The following ZNF775 variants were observed in gnomAD, a reference collection of about 807,000 sequenced individuals.
The protein encoded by ZNF775 is zinc finger protein 775.
In ZNF775, 1 loss-of-function variant was observed where a neutral mutation model predicts 2.4. That is an observed-to-expected ratio of 0.41 (90% CI 0.15 to 1.94). ZNF775 has a LOEUF of 1.94. ZNF775 is among the 30% of genes most tolerant of loss of function. The pLI, the probability that ZNF775 is intolerant of heterozygous loss-of-function variation, is 0.30. For missense variants in ZNF775, 823 were observed against 826.6 expected, an observed-to-expected ratio of 1.00 and a Z score of 0.05; for synonymous variants, 381 against 373.3, an observed-to-expected ratio of 1.02 and a Z score of -0.24.
In ZNF775 at chr7:150,397,989, T is replaced by A. The variant is rs111426426; in HGVS notation, c.1508T>A (p.Leu503Gln). 2.5e-6 allele frequency: 4 copies of A among 1,594,864 alleles called. No individual in the cohort carries two copies. The South Asian group carries it at 3.3e-5, about 13-fold the overall frequency. ...RRNHTGERPY[L>Q]CPACGRGFSQ... Reference sequence around the variant, plus strand: ...AACCACACAGGCGAGCGGCCCTACCTGTGTCCCGCCTGCGGCCGCGGCTTC... The same window carrying A: ...AACCACACAGGCGAGCGGCCCTACCAGTGTCCCGCCTGCGGCCGCGGCTTC... Residue 503 changes from leucine (L) to glutamine (Q), a missense_variant, in exon 3 of 3, where the codon CTG becomes CAG. By Grantham distance (113) the Leu-to-Gln change is moderately radical. Transcript: ENST00000329630.
In ZNF775 at chr7:150,384,176, G is replaced by C. The variant is rs73728123; in HGVS notation, c.-49-4246G>C. On this transcript the variant is annotated intron_variant, in intron 1 of 2. Coordinates refer to ENST00000329630, the MANE Select transcript of ZNF775 (RefSeq NM_173680.4). The surrounding 1 kb of genome is among the most constrained non-coding windows in gnomAD (Gnocchi z 4.1). ...GGCCAGGGCCAGGCGTGGGAAGGGG[G>C]CCCCTGTGTGTCCTGCTCCCCTCAG... Among the ~76,000 whole-genome samples, 8,148 of 152,308 alleles carry C rather than the reference G, an allele frequency of 0.053. 729 individuals are homozygous for C. Among genetic ancestry groups the C allele is most frequent in the African/African-American group, 0.19 (7,754 of 41,554 alleles).
chr7:150,389,936 G>A (rs1205072077), intron 2 of ZNF775, among the ~76,000 whole-genome samples: 1 of 139,530 alleles, frequency 7.2e-6, no homozygotes, highest in African/African-American at 2.6e-5. Flanking sequence ...CAAAATATAC[G>A]CAACACTTAC....
chr7:150,396,651 T>A lies in ZNF775; in HGVS notation c.170T>A (p.Met57Lys). 6.2e-7 allele frequency: 1 copy of A among 1,611,614 alleles called. No individual in the cohort carries two copies. The highest frequency in any genetic ancestry group is 8.5e-7 in the Non-Finnish European group (1 of 1,179,628). The change falls in exon 3 of 3, where the codon ATG (methionine) becomes AAG (lysine). Residue 57 changes from methionine to lysine, a missense_variant. Coordinates refer to ENST00000329630, the MANE Select transcript of ZNF775 (RefSeq NM_173680.4). ...QHRGLPPRQTMGRPRALGGQE... is the reference protein window; with the variant it reads ...QHRGLPPRQTKGRPRALGGQE... ...CGGGGCCTCCCGCCACGCCAGACCATGGGGCGGCCTCGAGCCCTGGGGGGA... is the reference window on the plus strand; with the variant it reads ...CGGGGCCTCCCGCCACGCCAGACCAAGGGGCGGCCTCGAGCCCTGGGGGGA...
intron 1 of ZNF775, among the ~76,000 whole-genome samples, chr7:150,385,258 CT>C (rs2129620932): frequency 6.6e-6 from 1 of 152,356 alleles, no homozygotes; most frequent in African/African-American, 2.4e-5. Flanking sequence ...GTACAGGCCC[CT>C]GTTGGGGAAA....
intron 2 of ZNF775, among the ~76,000 whole-genome samples, chr7:150,393,443 T>C (rs1278891939): frequency 1.3e-5 from 2 of 152,236 alleles, no homozygotes; most frequent in African/African-American, 4.8e-5. Flanking sequence ...TGTAGTTTTC[T>C]GTGTGGACAG....
At position 150,398,077 on chromosome 7, in the gene ZNF775, C is replaced by T. The variant is rs755205618; in HGVS notation, c.1596C>T (p.Pro532=). Residue 532 remains proline, a synonymous_variant, in exon 3 of 3, where the codon CCC becomes CCT. Transcript: ENST00000329630. ...ACCGCGCGGCCCCTGCGTGCAGCCC[C>T]AAGGAGGAGGCGCGCTAGTGGACTG... ...RVHRAAPACS[P]KEEAR 6.4e-7 allele frequency: 1 copy of T among 1,556,362 alleles called. No individual in the cohort carries two copies. The highest frequency in any genetic ancestry group is 8.7e-7 in the Non-Finnish European group (1 of 1,155,434).
chr7:150,397,217 G>C lies in ZNF775; in HGVS notation c.736G>C (p.Gly246Arg). ...TCGCCTGCAGCCGGGGCCGCCGCGGGGGCGCCCCGAGTGGGCCTGGCTGGG... is the reference window on the plus strand; with the variant it reads ...TCGCCTGCAGCCGGGGCCGCCGCGGCGGCGCCCCGAGTGGGCCTGGCTGGG... Reference protein sequence around the residue: ...ACRLQPGPPRGRPEWAWLGLC... With the variant: ...ACRLQPGPPRRRPEWAWLGLC... Residue 246 changes from glycine (G) to arginine (R), a missense_variant, in exon 3 of 3, where the codon GGG (glycine) becomes CGG (arginine). By Grantham distance (125) the Gly-to-Arg change is moderately radical. Transcript: ENST00000329630. 1 of 1,114,940 alleles carries C rather than the reference G, an allele frequency of 9.0e-7. No individual in the cohort carries two copies. The highest frequency in any genetic ancestry group is 1.1e-6 in the Non-Finnish European group (1 of 914,196). The allele number at this position is 1,114,940 out of a possible 1,614,324, so 69.1% of individuals were successfully genotyped here.
chr7:150,387,686 G>A (rs1245654329), intron 1 of ZNF775, among the ~76,000 whole-genome samples: 6 of 152,008 alleles, frequency 3.9e-5, no homozygotes, highest in Non-Finnish European at 8.8e-5. Flanking sequence ...GGTGGCGGGC[G>A]CCTGTAGTCC....
At position 150,397,188 on chromosome 7, in the gene ZNF775, C is replaced by A; in HGVS notation, c.707C>A (p.Ala236Asp). Residue 236 changes from alanine to aspartate, a missense_variant, in exon 3 of 3, where the codon GCC (alanine) becomes GAC (aspartate). Physicochemically the swap from Ala to Asp is moderately radical, Grantham distance 126. Transcript: ENST00000329630. Reference protein sequence around the residue: ...ELIQDAAARRACRLQPGPPRG... With the variant: ...ELIQDAAARRDCRLQPGPPRG... ...ATTCAGGACGCGGCGGCGCGCCGGGCCTGTCGCCTGCAGCCGGGGCCGCCG... is the reference window on the plus strand; with the variant it reads ...ATTCAGGACGCGGCGGCGCGCCGGGACTGTCGCCTGCAGCCGGGGCCGCCG... The A allele has an allele frequency of 8.4e-7, 1 of 1,192,984 alleles. No individual in the cohort carries two copies. Among genetic ancestry groups the A allele is most frequent in the Non-Finnish European group, 1.0e-6 (1 of 963,886 alleles). 73.9% of individuals were successfully genotyped at this position (1,192,984 alleles called of 1,614,324 possible).
rs926993297 is a variant in ZNF775, at chr7:150,398,197, A to G, written c.*102A>G. 2 of 1,478,806 alleles carry G rather than the reference A, an allele frequency of 1.4e-6. No individual in the cohort carries two copies. Among genetic ancestry groups the G allele is most frequent in the Non-Finnish European group, 1.8e-6 (2 of 1,115,134 alleles). 91.6% of individuals were successfully genotyped at this position (1,478,806 alleles called of 1,614,324 possible). A position where few individuals can be genotyped will look rare whatever the true frequency, so the allele number is the denominator to read the frequency against. ...ATTGCTGGCTCTTAGAACCCCTTAG[A>G]GCGGGACCGGTGGATTCCTTAAGGC... On this transcript the variant is annotated 3_prime_UTR_variant, in exon 3 of 3. Transcript: ENST00000329630.
In ZNF775 at chr7:150,388,462, C is replaced by A; in HGVS notation, c.-9C>A. 1 of 1,551,750 alleles carries A rather than the reference C, an allele frequency of 6.4e-7. No individual in the cohort carries two copies. Among genetic ancestry groups the A allele is most frequent in the African/African-American group, 1.4e-5 (1 of 73,156 alleles). ...CACAGCCGGCGCTGATGCTGGGAGG[C>A]CTCCAGGGATGGAGAGTGGCCTGGC... On this transcript the variant is annotated 5_prime_UTR_variant, in exon 2 of 3. Coordinates refer to ENST00000329630, the MANE Select transcript of ZNF775 (RefSeq NM_173680.4).
At chr7:150,385,765 A>C (rs892605732) in intron 1 of ZNF775, among the ~76,000 whole-genome samples, 1 of 152,204 alleles carries the variant, frequency 6.6e-6, no homozygotes, top group Non-Finnish European at 1.5e-5. Context: ...CCCACAGGAA[A>C]AATAAAGTTC....
chr7:150,398,326 C>A lies in ZNF775; in HGVS notation c.*231C>A. 3 of 664,200 alleles carry A rather than the reference C, an allele frequency of 4.5e-6. No homozygotes were observed. The highest frequency in any genetic ancestry group is 7.3e-6 in the Non-Finnish European group (3 of 411,096). The allele number at this position is 664,200 out of a possible 1,614,324, so 41.1% of individuals were successfully genotyped here. A position where few individuals can be genotyped will look rare whatever the true frequency, so the allele number is the denominator to read the frequency against. On this transcript the variant is annotated 3_prime_UTR_variant, in exon 3 of 3. Coordinates refer to ENST00000329630, the MANE Select transcript of ZNF775 (RefSeq NM_173680.4). Reference sequence around the variant, plus strand: ...AAGATCCGAGTTCCTCACCGCGGGCCGGGATGTGACCACCCTCTTCAGAGG... The same window carrying A: ...AAGATCCGAGTTCCTCACCGCGGGCAGGGATGTGACCACCCTCTTCAGAGG...
Position 150,397,535 on chromosome 7 carries a change from C to A in ZNF775, c.1054C>A (p.Leu352Met). The part of the protein sequence containing the change: ...CGRGFRQKQH[L>M]LKHLRTHLPG... ...CCGCGGCTTCCGCCAGAAGCAGCAC[C>A]TGCTCAAGCACCTGCGCACGCACCT... is the stretch of plus-strand genomic sequence containing the variant. The change falls in exon 3 of 3, where the codon CTG becomes ATG. Residue 352 changes from leucine to methionine, a missense_variant. Transcript: ENST00000329630. 6.4e-7 allele frequency: 1 copy of A among 1,557,444 alleles called. No individual in the cohort carries two copies. The highest frequency in any genetic ancestry group is 1.8e-5 in the Admixed American group (1 of 55,174).
chr7:150,383,974 C>G (rs1800407592), intron 1 of ZNF775: 1 of 152,652 alleles, frequency 6.6e-6, no homozygotes, highest in Non-Finnish European at 1.5e-5. Context: ...AAGTCTCTGC[C>G]ACAACCAAAG....
chr7:150,394,533 C>T (rs1800614777), intron 2 of ZNF775, among the ~76,000 whole-genome samples: 7 of 152,066 alleles, frequency 4.6e-5, no homozygotes. Context: ...CTGTAATGGG[C>T]TTCTAATCTT....
chr7:150,388,600 G>A, intron 2 of ZNF775, 99 bp downstream of exon 2: 2 of 1,367,612 alleles, frequency 1.5e-6, no homozygotes, highest in Non-Finnish European at 2.0e-6. Context: ...AGTGCCCTCA[G>A]CCAGTAGCTA....
chr7:150,389,894 TGTGTGTGTGTGTGTGTGTGTG>T lies in ZNF775; in HGVS notation c.31+1394_31+1414del, dbSNP rs1476356285. On this transcript the variant is annotated intron_variant, in intron 2 of 2. Transcript: ENST00000329630. Reference sequence around the variant, plus strand: ...GTGTGTGTGTGTGTGTGTGTGTGTGTGTGTGTGTGTGTGTGTGTGTGTGTGTTATGGCAAAATATACGCAAC... The same window carrying T: ...GTGTGTGTGTGTGTGTGTGTGTGTGTTGTGTTATGGCAAAATATACGCAAC... Among the ~76,000 whole-genome samples the T allele has an allele frequency of 5.8e-3, 147 of 25,552 alleles. 1 individual carries two copies. Among genetic ancestry groups the T allele is most frequent in the East Asian group, 0.012 (21 of 1,688 alleles). 16.8% of individuals were successfully genotyped at this position (25,552 alleles called of 152,430 possible).
At chr7:150,381,510 A>G (rs1800360805) in intron 1 of ZNF775, among the ~76,000 whole-genome samples, 2 of 152,116 alleles carry the variant, frequency 1.3e-5, no homozygotes, top group South Asian at 4.2e-4. Flanking sequence ...CACCTTGGGA[A>G]TGTCTCTCAG....
Sources: allele counts gnomAD v4.1 joint callset (sites outside exome capture counted in the v4.1 genomes callset), GRCh38; gene constraint gnomAD v4.1.1; non-coding constraint Gnocchi (gnomAD v3.1); transcripts MANE v1.5; gene names NCBI Gene and HGNC (gene_info 2026-07-23, HGNC 2026-07-21).